The following ADGRA3 variants were observed in gnomAD, a reference collection of about 807,000 sequenced individuals.
ADGRA3 encodes the protein adhesion G protein-coupled receptor A3.
In ADGRA3, 56 loss-of-function variants were observed where a neutral mutation model predicts 119.8. The ratio of observed to expected loss-of-function variants is 0.47; its 90% CI spans 0.38 to 0.58. The LOEUF (loss-of-function observed/expected upper bound fraction) is 0.58. ADGRA3 is among the 20% of genes least tolerant of loss of function. ADGRA3 has a pLI of 0.00. For missense variants in ADGRA3, 1,516 were observed against 1,649.0 expected, an observed-to-expected ratio of 0.92 and a Z score of 1.40; for synonymous variants, 607 against 623.8, an observed-to-expected ratio of 0.97 and a Z score of 0.40.
chr4:22,509,655 T>C (rs1023633871), intron 1 of ADGRA3, among the ~76,000 whole-genome samples: 1 of 152,090 alleles, frequency 6.6e-6, no homozygotes, highest in Non-Finnish European at 1.5e-5. Context: ...TAAAGGACCT[T>C]GATCCCCCAT....
At chr4:22,395,742 A>G (rs896517916) in intron 16 of ADGRA3, among the ~76,000 whole-genome samples, 2 of 152,216 alleles carry the variant, frequency 1.3e-5, no homozygotes, top group Non-Finnish European at 2.9e-5. Flanking sequence ...CTAGTGACTT[A>G]GGGAAGTTAT....
At chr4:22,483,420 C>G (rs1188331798) in intron 1 of ADGRA3, among the ~76,000 whole-genome samples, 1 of 152,168 alleles carries the variant, frequency 6.6e-6, no homozygotes, top group Non-Finnish European at 1.5e-5. Flanking sequence ...TGCAGTGGTA[C>G]AGATCAGAAA....
At chr4:22,503,970 A>G (rs1269218660) in intron 1 of ADGRA3, among the ~76,000 whole-genome samples, 1 of 152,156 alleles carries the variant, frequency 6.6e-6, no homozygotes, top group African/African-American at 2.4e-5. Context: ...TAACATACAG[A>G]GTTAGCAATT....
intron 5 of ADGRA3, 97 bp downstream of exon 5, chr4:22,447,343 T>A (rs570937476): frequency 4.9e-5 from 36 of 737,614 alleles, no homozygotes; most frequent in African/African-American, 3.8e-4. Flanking sequence ...GACAAGATTG[T>A]CCTCACAAAG....
At chr4:22,433,451 C>T (rs1716264648) in intron 10 of ADGRA3, among the ~76,000 whole-genome samples, 1 of 152,132 alleles carries the variant, frequency 6.6e-6, no homozygotes, top group African/African-American at 2.4e-5. Context: ...AAAATAGCAT[C>T]CCCATTTGAA....
chr4:22,420,850 G>C, intron 12 of ADGRA3, 36 bp downstream of exon 12: 7 of 1,574,166 alleles, frequency 4.4e-6, no homozygotes, highest in Non-Finnish European at 6.1e-6. Flanking sequence ...TAATTTAACT[G>C]TAAATAGTCT....
intron 10 of ADGRA3, among the ~76,000 whole-genome samples, chr4:22,429,198 A>G (rs1378230402): frequency 6.6e-6 from 1 of 152,212 alleles, no homozygotes; most frequent in Non-Finnish European, 1.5e-5. Context: ...AAACATGCCA[A>G]AATACTGATT....
intron 10 of ADGRA3, among the ~76,000 whole-genome samples, chr4:22,425,187 T>C (rs1000431015): frequency 1.3e-5 from 2 of 152,170 alleles, no homozygotes; most frequent in Non-Finnish European, 2.9e-5. Context: ...ATGTGTTGTA[T>C]GATCTCACCC....
chr4:22,389,667 T>A (rs1031349051), intron 17 of ADGRA3, among the ~76,000 whole-genome samples: 1 of 152,102 alleles, frequency 6.6e-6, no homozygotes, highest in Non-Finnish European at 1.5e-5. Context: ...TCATCGCCAG[T>A]CCACTGAGAT....
Position 22,420,694 on chromosome 4 carries a change from A to C in ADGRA3, c.1809+192T>G. On this transcript the variant is annotated intron_variant, in intron 12 of 18. Transcript: ENST00000334304. Reference sequence around the variant, plus strand: ...GTGAAGAAAGGGAATCAAAGGCAAAAATGCCTAGGGCCCTTGAAAGTCGTA... The same window carrying C: ...GTGAAGAAAGGGAATCAAAGGCAAACATGCCTAGGGCCCTTGAAAGTCGTA... 4 of 585,278 alleles carry C rather than the reference A, an allele frequency of 6.8e-6. No homozygotes were observed. In the South Asian group the frequency reaches 7.1e-5, roughly 10 times the overall value. 36.3% of individuals were successfully genotyped at this position (585,278 alleles called of 1,614,324 possible).
chr4:22,402,139 A>G (rs1001034075), intron 15 of ADGRA3, among the ~76,000 whole-genome samples: 3 of 152,210 alleles, frequency 2.0e-5, no homozygotes, highest in Non-Finnish European at 2.9e-5. Flanking sequence ...ATTTCTGCTT[A>G]GCGTATCCTT....
intron 1 of ADGRA3, among the ~76,000 whole-genome samples, chr4:22,484,693 T>G (rs1718373178): frequency 6.6e-6 from 1 of 151,434 alleles, no homozygotes; most frequent in African/African-American, 2.4e-5. Context: ...ATGAGAAGGC[T>G]GGGGGTGACA....
In ADGRA3 at chr4:22,439,978, A is replaced by G. The variant is rs1225489111; in HGVS notation, c.921-1558T>C. 2.0e-5 allele frequency among the ~76,000 whole-genome samples: 3 copies of G among 152,196 alleles called. No homozygotes were observed. In the East Asian group the frequency reaches 5.8e-4, roughly 29 times the overall value. On this transcript the variant is annotated intron_variant, in intron 7 of 18. Transcript: ENST00000334304. ...AAGTAACACACATAAATTTGAAATA[A>G]AATTTTTATTGTATTCTTAAATAAC...
chr4:22,414,077 G>C (rs1463515647), intron 12 of ADGRA3: 2 of 317,526 alleles, frequency 6.3e-6, no homozygotes, highest in Non-Finnish European at 1.1e-5. Context: ...AATTAACAAA[G>C]TTAATTTTCC....
At chr4:22,461,948 A>G in intron 2 of ADGRA3, 140 bp from the exon 3 acceptor site, 1 of 483,266 alleles carries the variant, frequency 2.1e-6, no homozygotes, top group Non-Finnish European at 3.7e-6. Context: ...TTAAGCCAAG[A>G]TCAACCCAGT....
intron 1 of ADGRA3, among the ~76,000 whole-genome samples, chr4:22,483,557 A>G (rs2109137278): frequency 6.6e-6 from 1 of 152,324 alleles, no homozygotes; most frequent in East Asian, 1.9e-4. Flanking sequence ...GTGTCCTAAG[A>G]TACTTTTTCT....
intron 14 of ADGRA3, among the ~76,000 whole-genome samples, chr4:22,409,825 A>G (rs1280311438): frequency 6.6e-6 from 1 of 152,210 alleles, no homozygotes; most frequent in African/African-American, 2.4e-5. Context: ...TTTTGTTTCC[A>G]TAAACACGAG....
intron 1 of ADGRA3, among the ~76,000 whole-genome samples, chr4:22,496,386 A>T (rs1718826181): frequency 6.6e-6 from 1 of 152,210 alleles, no homozygotes. Context: ...AGCAACCAAC[A>T]CAACATTTAA....
chr4:22,412,027 T>A (rs1017011946), intron 14 of ADGRA3, among the ~76,000 whole-genome samples: 1 of 152,094 alleles, frequency 6.6e-6, no homozygotes, highest in Non-Finnish European at 1.5e-5. Context: ...TCATTTCTAG[T>A]GCTAAATGCT....
Sources: gnomAD v4.1 joint callset for allele counts (sites outside exome capture counted in the v4.1 genomes callset) on GRCh38, gnomAD v4.1.1 for gene constraint, MANE v1.5 for transcripts, NCBI Gene and HGNC (gene_info 2026-07-23, HGNC 2026-07-21) for gene names.